Variants in FUT8 observed in about 807,000 individuals in gnomAD.
FUT8 encodes alpha-(1,6)-fucosyltransferase.
In FUT8, 29 loss-of-function variants were observed where a neutral mutation model predicts 71.3. The observed-to-expected ratio is 0.41, with a 90% CI of 0.30 to 0.55. The LOEUF (loss-of-function observed/expected upper bound fraction) is 0.55, where lower values mean the gene tolerates loss of function less well. FUT8 is among the 20% of genes least tolerant of loss of function. The pLI is 0.34. For synonymous variants in FUT8, 254 were observed against 239.3 expected (o/e 1.06, Z -0.57); for missense variants, 544 against 702.1 (o/e 0.77, Z 2.55).
At chr14:65,459,841 A>T (rs1456960966) in intron 2 of FUT8, among the ~76,000 whole-genome samples, 2 of 152,180 alleles carry the variant, frequency 1.3e-5, no homozygotes, top group Non-Finnish European at 2.9e-5. Context: ...AACAGTCAAA[A>T]AATAATAAAA....
chr14:65,372,884 G>A, the FUT8 span, among the ~76,000 whole-genome samples: 2 of 152,206 alleles, frequency 1.3e-5, no homozygotes, highest in South Asian at 4.2e-4. Flanking sequence ...CCGGTTGGAG[G>A]CTTTCCTCAC....
the FUT8 span, among the ~76,000 whole-genome samples, chr14:65,371,824 C>T: frequency 6.6e-6 from 1 of 152,132 alleles, no homozygotes; most frequent in South Asian, 2.1e-4. Context: ...GTTTAGAAGC[C>T]GAGATCTGGG....
chr14:65,658,291 A>G (rs895232737), intron 6 of FUT8, among the ~76,000 whole-genome samples: 5 of 152,178 alleles, frequency 3.3e-5, no homozygotes, highest in African/African-American at 1.2e-4. Context: ...GACTAAAATA[A>G]AAAATGCCAA....
chr14:65,367,215 G>A, the FUT8 span, among the ~76,000 whole-genome samples: 5 of 152,194 alleles, frequency 3.3e-5, no homozygotes, highest in Non-Finnish European at 7.3e-5. Flanking sequence ...TGCCTTGGGG[G>A]AGGTTTAAAG....
chr14:65,654,963 G>C (rs1594865521), intron 6 of FUT8, among the ~76,000 whole-genome samples: 1 of 151,860 alleles, frequency 6.6e-6, no homozygotes, highest in African/African-American at 2.4e-5. Context: ...ATGTTGGTCA[G>C]GCTGATCTCG....
chr14:65,693,814 T>G (rs1340295641), intron 7 of FUT8, among the ~76,000 whole-genome samples: 1 of 152,246 alleles, frequency 6.6e-6, no homozygotes, highest in East Asian at 1.9e-4. Context: ...TGAAACTATC[T>G]GAGTGTGGTG....
chr14:65,458,787 C>CTTTTTTTTTTTTTTTTTTTT (rs895343220), intron 2 of FUT8, among the ~76,000 whole-genome samples: 1 of 144,766 alleles, frequency 6.9e-6, no homozygotes. Flanking sequence ...CTTTTCTTTT[C>CTTTTTTTTTTTTTTTTTTTT]TTTCTTTTTT....
intron 2 of FUT8, among the ~76,000 whole-genome samples, chr14:65,478,159 A>G (rs7145962): frequency 0.019 from 2,924 of 152,142 alleles, 34 homozygotes; most frequent in Middle Eastern, 0.034. Context: ...GATAGTATCT[A>G]TCTTTGAGGT....
intron 6 of FUT8, among the ~76,000 whole-genome samples, chr14:65,644,912 T>G (rs1450610583): frequency 6.6e-6 from 1 of 152,168 alleles, no homozygotes; most frequent in African/African-American, 2.4e-5. Context: ...TTTCTTGCCC[T>G]TAGGGACACT....
intron 2 of FUT8, among the ~76,000 whole-genome samples, chr14:65,511,645 TG>T (rs1470677370): frequency 1.3e-5 from 2 of 152,234 alleles, no homozygotes; most frequent in African/African-American, 4.8e-5. Flanking sequence ...TATTATATAG[TG>T]ACCTTCTTTG....
chr14:65,511,428 G>A lies in FUT8; in HGVS notation c.-227-49909G>A, dbSNP rs188881910. On this transcript the variant is annotated intron_variant, in intron 2 of 10. Coordinates refer to ENST00000673929, the MANE Select transcript of FUT8 (RefSeq NM_001371533.1). ...TATTCTTTAAATATCTATTAGATCC[G>A]TTTGGTCTATTTCTTTGTTGATTCT... 1.9e-3 allele frequency among the ~76,000 whole-genome samples: 287 copies of A among 152,106 alleles called. 1 individual carries two copies. The highest frequency in any genetic ancestry group is 5.6e-3 in the African/African-American group (232 of 41,546).
At chr14:65,531,343 TTA>T in intron 2 of FUT8, among the ~76,000 whole-genome samples, 1 of 152,098 alleles carries the variant, frequency 6.6e-6, no homozygotes, top group East Asian at 1.9e-4. Context: ...TATCTGATTA[TTA>T]TATGTCTATG....
At chr14:65,412,307 A>G, upstream of FUT8, 1 of 456,658 alleles carries the variant, frequency 2.2e-6, no homozygotes, top group Non-Finnish European at 4.4e-6. Context: ...TAAAAGTAGC[A>G]AGGAGCCAGC....
At chr14:65,575,093 TATTA>T (rs1338290832) in intron 3 of FUT8, among the ~76,000 whole-genome samples, 5 of 151,518 alleles carry the variant, frequency 3.3e-5, no homozygotes, top group Admixed American at 2.6e-4. Context: ...TTATTTTATT[TATTA>T]ATTTATTTTA....
the FUT8 span, among the ~76,000 whole-genome samples, chr14:65,400,090 A>G: frequency 2.0e-5 from 3 of 152,254 alleles, no homozygotes; most frequent in Admixed American, 6.5e-5. Context: ...AAGAGTGAAT[A>G]GAACATTGGG....
intron 2 of FUT8, among the ~76,000 whole-genome samples, chr14:65,536,431 C>A (rs959843240): frequency 2.6e-5 from 4 of 152,132 alleles, no homozygotes; most frequent in African/African-American, 9.7e-5. Flanking sequence ...TTAAGGGGCT[C>A]TTGTAAGGCA....
chr14:65,417,511 G>T (rs777377045), intron 1 of FUT8, among the ~76,000 whole-genome samples: 5 of 152,050 alleles, frequency 3.3e-5, no homozygotes, highest in Non-Finnish European at 7.4e-5. Flanking sequence ...GAGCAAATGG[G>T]ACCTATGGAA....
At chr14:65,623,083 G>A (rs372619403) in intron 5 of FUT8, among the ~76,000 whole-genome samples, 7 of 152,088 alleles carry the variant, frequency 4.6e-5, no homozygotes, top group African/African-American at 9.6e-5. Context: ...TAGAGAGGGG[G>A]ACTTGCCATG....
chr14:65,461,507 T>C (rs926529719), intron 2 of FUT8, among the ~76,000 whole-genome samples: 2 of 152,216 alleles, frequency 1.3e-5, no homozygotes, highest in Non-Finnish European at 1.5e-5. Flanking sequence ...CATGAAACTA[T>C]GGCAGACTGA....
Sources: gnomAD v4.1 joint callset for allele counts (sites outside exome capture counted in the v4.1 genomes callset) on GRCh38, gnomAD v4.1.1 for gene constraint, MANE v1.5 for transcripts, NCBI Gene and HGNC (gene_info 2026-07-23, HGNC 2026-07-21) for gene names.